The following PXYLP1 variants were observed in gnomAD, a reference collection of about 807,000 sequenced individuals.
PXYLP1 encodes acid phosphatase-like 2.
A neutral mutation model predicts 37.9 loss-of-function variants in PXYLP1; 17 were observed. The ratio of observed to expected loss-of-function variants is 0.45; its 90% confidence interval spans 0.31 to 0.67. PXYLP1 has a LOEUF of 0.67. Ranked by LOEUF, PXYLP1 falls within the 30% of genes least tolerant of loss-of-function variation. The pLI is 0.07. For synonymous variants in PXYLP1, 221 were observed against 232.2 expected (o/e 0.95, Z 0.44); for missense variants, 511 against 612.0 (o/e 0.84, Z 1.74).
rs921090023 is a variant in PXYLP1, at chr3:141,262,626, G to A, written c.79+2372G>A. On this transcript the variant is annotated intron_variant, in intron 2 of 5. Transcript: ENST00000286353. Reference sequence around the variant, plus strand: ...TACTTTTTTAAGGAAAATTTTGCAGGGTAAATTAGCCTGTCTGGGTCTGAG... The same window carrying A: ...TACTTTTTTAAGGAAAATTTTGCAGAGTAAATTAGCCTGTCTGGGTCTGAG... 9 of 1,483,820 alleles carry A rather than the reference G, an allele frequency of 6.1e-6. No homozygotes were observed. In the African/African-American group the frequency reaches 1.3e-4, roughly 21 times the overall value. The allele number at this position is 1,483,820 out of a possible 1,614,324, so 91.9% of individuals were successfully genotyped here.
At chr3:141,275,216 T>C (rs1411749243) in intron 2 of PXYLP1, among the ~76,000 whole-genome samples, 1 of 152,108 alleles carries the variant, frequency 6.6e-6, no homozygotes, top group Non-Finnish European at 1.5e-5. Flanking sequence ...GGAGAGAAGG[T>C]CTCATTCTGA....
chr3:141,278,618 C>G, intron 3 of PXYLP1, 118 bp downstream of exon 3: 2 of 1,344,642 alleles, frequency 1.5e-6, no homozygotes, highest in Non-Finnish European at 2.0e-6. Flanking sequence ...TGCCACCAGG[C>G]TGTGCCCTTG....
intron 2 of PXYLP1, among the ~76,000 whole-genome samples, chr3:141,265,980 T>C (rs1490012512): frequency 6.6e-6 from 1 of 152,068 alleles, no homozygotes; most frequent in East Asian, 1.9e-4. Context: ...TGGACATCAT[T>C]GGAGGTAGCC....
intron 1 of PXYLP1, among the ~76,000 whole-genome samples, chr3:141,242,322 G>T (rs1039142830): frequency 1.3e-5 from 2 of 152,188 alleles, no homozygotes; most frequent in East Asian, 3.8e-4. Flanking sequence ...CATGGGGCCC[G>T]CTGGAGGCTG....
intron 2 of PXYLP1, chr3:141,273,078 C>T (rs143424741): frequency 1.6e-4 from 158 of 985,486 alleles, no homozygotes; most frequent in African/African-American, 1.5e-3. Flanking sequence ...CAGGGGGCCC[C>T]GTGCCTGAGA....
chr3:141,250,665 A>G (rs1247599972), intron 1 of PXYLP1, among the ~76,000 whole-genome samples: 1 of 152,206 alleles, frequency 6.6e-6, no homozygotes, highest in Admixed American at 6.5e-5. Context: ...GCCTTTGCCC[A>G]TGGCTGAGTA....
At chr3:141,284,600 A>G (rs1942029424) in intron 4 of PXYLP1, among the ~76,000 whole-genome samples, 1 of 152,212 alleles carries the variant, frequency 6.6e-6, no homozygotes, top group Non-Finnish European at 1.5e-5. Flanking sequence ...CAAGTCCCTT[A>G]TGTAAAATGG....
At chr3:141,236,899 A>G (rs1940670225) in intron 1 of PXYLP1, among the ~76,000 whole-genome samples, 1 of 152,246 alleles carries the variant, frequency 6.6e-6, no homozygotes, top group Non-Finnish European at 1.5e-5. Context: ...TCTTGAAAGT[A>G]TAGAAAATTT....
Position 141,292,965 on chromosome 3 carries a change from C to T in PXYLP1, c.1203C>T (p.Ala401=). The change falls in exon 6 of 6, where the codon GCC becomes GCT. Residue 401 remains alanine, a synonymous_variant. Coordinates refer to ENST00000286353, the MANE Select transcript of PXYLP1 (RefSeq NM_001037172.3). This position sits in a 1 kb window ranked among gnomAD's most constrained non-coding sequence, Gnocchi z 4.3. ...AAGCCAGGTTCCCAAGGTTTGCAGCCAGGTTGATCTTTGAGCTTTGGCAAG... is the reference window on the plus strand; with the variant it reads ...AAGCCAGGTTCCCAAGGTTTGCAGCTAGGTTGATCTTTGAGCTTTGGCAAG... ...LSEARFPRFA[A]RLIFELWQDR... The T allele has an allele frequency of 1.9e-6, 3 of 1,614,142 alleles. No individual in the cohort carries two copies. The highest frequency in any genetic ancestry group is 4.5e-5 in the East Asian group (2 of 44,880).
intron 4 of PXYLP1, among the ~76,000 whole-genome samples, chr3:141,280,223 A>G (rs1941915634): frequency 6.6e-6 from 1 of 152,266 alleles, no homozygotes; most frequent in African/African-American, 2.4e-5. Context: ...TGAAGTGCTC[A>G]GTGGGGAAGA....
intron 5 of PXYLP1, chr3:141,291,450 C>T (rs1942201420): frequency 6.6e-6 from 1 of 152,146 alleles, no homozygotes; most frequent in Admixed American, 6.5e-5. Flanking sequence ...ATGTTCCATC[C>T]ACCTCATTTT....
intron 1 of PXYLP1, among the ~76,000 whole-genome samples, chr3:141,251,942 G>A (rs1005599537): frequency 1.3e-5 from 2 of 152,134 alleles, no homozygotes; most frequent in Non-Finnish European, 2.9e-5. Flanking sequence ...TACTGAGAGC[G>A]TATCAGAGGC....
chr3:141,266,154 A>G (rs1444467197), intron 2 of PXYLP1, among the ~76,000 whole-genome samples: 2 of 152,268 alleles, frequency 1.3e-5, no homozygotes, highest in Non-Finnish European at 2.9e-5. Flanking sequence ...AAGCTGCTCC[A>G]GACCAACAGC....
intron 1 of PXYLP1, among the ~76,000 whole-genome samples, chr3:141,254,671 T>G (rs2148730950): frequency 6.6e-6 from 1 of 152,324 alleles, no homozygotes; most frequent in African/African-American, 2.4e-5. Context: ...CTTTTACCTT[T>G]GCTTGACTCA....
intron 5 of PXYLP1, among the ~76,000 whole-genome samples, chr3:141,290,014 C>T (rs1357770826): frequency 6.6e-6 from 1 of 152,240 alleles, no homozygotes; most frequent in Non-Finnish European, 1.5e-5. Flanking sequence ...CCTGTTTCCT[C>T]ATTCTCTTTT....
chr3:141,233,341 T>G (rs1237220567), intron 1 of PXYLP1, among the ~76,000 whole-genome samples: 1 of 151,882 alleles, frequency 6.6e-6, no homozygotes, highest in Non-Finnish European at 1.5e-5. Flanking sequence ...GGTGCATACC[T>G]GTAATCCCAG....
chr3:141,271,424 A>T (rs765939085), intron 2 of PXYLP1, among the ~76,000 whole-genome samples: 3 of 152,154 alleles, frequency 2.0e-5, no homozygotes, highest in Non-Finnish European at 4.4e-5. Flanking sequence ...TGAAGTCCCA[A>T]AAAGGGCAAG....
At chr3:141,264,076 A>G (rs1321535273) in intron 2 of PXYLP1, among the ~76,000 whole-genome samples, 1 of 152,206 alleles carries the variant, frequency 6.6e-6, no homozygotes, top group Non-Finnish European at 1.5e-5. Flanking sequence ...AGCACATGGC[A>G]CCCATATCTG....
chr3:141,269,782 C>CT (rs1181891521), intron 2 of PXYLP1, among the ~76,000 whole-genome samples: 1 of 152,220 alleles, frequency 6.6e-6, no homozygotes, highest in African/African-American at 2.4e-5. Context: ...CTGGAAATCT[C>CT]TTATTTCTAG....
Sources: gnomAD v4.1 joint callset for allele counts (sites outside exome capture counted in the v4.1 genomes callset) on GRCh38, gnomAD v4.1.1 for gene constraint, Gnocchi (gnomAD v3.1) non-coding constraint, MANE v1.5 for transcripts, NCBI Gene and HGNC (gene_info 2026-07-23, HGNC 2026-07-21) for gene names.